Variants in MTPN observed in about 807,000 individuals in gnomAD.
The protein encoded by MTPN is granule cell differentiation protein.
In MTPN, 2 loss-of-function variants were observed where a neutral mutation model predicts 13.5. The ratio of observed to expected loss-of-function variants is 0.15; its 90% confidence interval spans 0.06 to 0.47. The LOEUF is 0.47. Among genes scored for constraint, MTPN ranks in the 20% least tolerant of loss-of-function variants. MTPN has a pLI of 0.97. For missense variants in MTPN, 79 were observed against 137.9 expected, an observed-to-expected ratio of 0.57 and a Z score of 2.14; for synonymous variants, 46 against 51.7, an observed-to-expected ratio of 0.89 and a Z score of 0.48.
intron 1 of MTPN, among the ~76,000 whole-genome samples, chr7:135,959,964 A>G (rs1367039653): frequency 6.6e-6 from 1 of 151,962 alleles, no homozygotes; most frequent in Non-Finnish European, 1.5e-5. Context: ...TCCTTCTAGT[A>G]TTTTATGCTT....
intron 1 of MTPN, among the ~76,000 whole-genome samples, chr7:135,955,343 G>A (rs1799425753): frequency 1.3e-5 from 2 of 152,142 alleles, no homozygotes; most frequent in South Asian, 4.1e-4. Flanking sequence ...GGAATCACAA[G>A]CTGATTCTTC....
chr7:135,967,170 G>A (rs949390758), intron 1 of MTPN, among the ~76,000 whole-genome samples: 10 of 152,022 alleles, frequency 6.6e-5, no homozygotes, highest in African/African-American at 2.2e-4. Context: ...TTCTTAAGCC[G>A]CTGTTTTTCA....
Position 135,969,084 on chromosome 7 carries a change from GGGGT to G in MTPN, c.72+7941_72+7944del, listed in dbSNP as rs1160648910. ...ATTATCACACTCTGGGGACTGTTGT[GGGGT>G]GGGGGGGGGGGAGGAGGGAGGGATA... On this transcript the variant is annotated intron_variant, in intron 1 of 3. Coordinates refer to ENST00000393085, the MANE Select transcript of MTPN (RefSeq NM_145808.4). Among the ~76,000 whole-genome samples, 563 of 60,386 alleles carry G rather than the reference GGGGT, an allele frequency of 9.3e-3. 15 individuals are homozygous for G. Among genetic ancestry groups the G allele is most frequent in the Non-Finnish European group, 0.016 (383 of 24,030 alleles). 39.6% of individuals were successfully genotyped at this position (60,386 alleles called of 152,430 possible).
chr7:135,947,419 G>A (rs1340079420), intron 3 of MTPN, among the ~76,000 whole-genome samples: 1 of 152,030 alleles, frequency 6.6e-6, no homozygotes, highest in Non-Finnish European at 1.5e-5. Context: ...CAATTCTTCT[G>A]GTCCAAAGCA....
At chr7:135,969,090 G>A (rs1352071717) in intron 1 of MTPN, among the ~76,000 whole-genome samples, 3 of 107,372 alleles carry the variant, frequency 2.8e-5, no homozygotes, top group East Asian at 2.8e-4. Context: ...TTGTGGGGTG[G>A]GGGGGGGGGA....
At chr7:135,934,061 G>A (rs1238313892) in intron 3 of MTPN, among the ~76,000 whole-genome samples, 3 of 152,094 alleles carry the variant, frequency 2.0e-5, no homozygotes, top group Non-Finnish European at 4.4e-5. Context: ...TGTACAGCGT[G>A]AGGAACTGTG....
chr7:135,970,690 TTATA>T (rs1332960138), intron 1 of MTPN, among the ~76,000 whole-genome samples: 2 of 152,104 alleles, frequency 1.3e-5, no homozygotes, highest in Non-Finnish European at 2.9e-5. Flanking sequence ...CCAAAACACT[TTATA>T]TAGCCTATGT....
intron 1 of MTPN, among the ~76,000 whole-genome samples, chr7:135,968,115 C>T (rs557826892): frequency 1.3e-5 from 2 of 151,908 alleles, no homozygotes; most frequent in Admixed American, 6.6e-5. Context: ...TTTTTAATAC[C>T]TCCATTTTTC....
chr7:135,952,659 C>CA (rs574545025), intron 1 of MTPN, among the ~76,000 whole-genome samples: 26 of 152,208 alleles, frequency 1.7e-4, no homozygotes, highest in African/African-American at 6.0e-4. Context: ...TACTGAGGAG[C>CA]AAAACATCCT....
At position 135,927,883 on chromosome 7, in the gene MTPN, G is replaced by C. The variant is rs1293890083; in HGVS notation, c.*2043C>G. 3.1e-6 allele frequency: 1 copy of C among 326,058 alleles called. No individual in the cohort carries two copies. The allele number at this position is 326,058 out of a possible 1,614,324, so 20.2% of individuals were successfully genotyped here. The stretch of plus-strand genomic sequence containing the variant: ...AGCAGACCAGGTTTAGGAATGATAG[G>C]ACAATGCACTCTCTGCAATAGCCAA... On this transcript the variant is annotated 3_prime_UTR_variant, in exon 4 of 4. Transcript: ENST00000393085.
chr7:135,942,215 C>A (rs934828029), intron 3 of MTPN, among the ~76,000 whole-genome samples: 3 of 152,056 alleles, frequency 2.0e-5, no homozygotes, highest in African/African-American at 4.8e-5. Flanking sequence ...AAAGGTGGTA[C>A]ATCCTAAGTT....
Position 135,927,386 on chromosome 7 carries a change from C to A in MTPN, c.*2540G>T. 6.5e-7 allele frequency: 1 copy of A among 1,549,566 alleles called. No homozygotes were observed. Among genetic ancestry groups the A allele is most frequent in the Non-Finnish European group, 8.7e-7 (1 of 1,145,280 alleles). Reference sequence around the variant, plus strand: ...CTGCAAGGGAGACTTTGTTAGTACACTACTATAAACAGGTAAACTACCTGT... The same window carrying A: ...CTGCAAGGGAGACTTTGTTAGTACAATACTATAAACAGGTAAACTACCTGT... On this transcript the variant is annotated 3_prime_UTR_variant, in exon 4 of 4. Coordinates refer to ENST00000393085, the MANE Select transcript of MTPN (RefSeq NM_145808.4).
chr7:135,971,355 T>C (rs753418571), intron 1 of MTPN, among the ~76,000 whole-genome samples: 82 of 152,220 alleles, frequency 5.4e-4, no homozygotes, highest in Admixed American at 1.5e-3. Flanking sequence ...TGTAAGCATG[T>C]TGGATCCTCA....
At chr7:135,960,664 ATACCTC>A (rs1443735808) in intron 1 of MTPN, 8 of 152,050 alleles carry the variant, frequency 5.3e-5, no homozygotes, top group African/African-American at 1.9e-4. Context: ...AAGGAAATAC[ATACCTC>A]TGAAATGATT....
intron 3 of MTPN, among the ~76,000 whole-genome samples, chr7:135,942,137 C>A (rs1799223827): frequency 6.6e-6 from 1 of 152,228 alleles, no homozygotes; most frequent in South Asian, 2.1e-4. Flanking sequence ...GATCCGCCCG[C>A]CTCGGCCTCC....
intron 3 of MTPN, among the ~76,000 whole-genome samples, chr7:135,930,496 G>A (rs1239704005): frequency 1.3e-5 from 2 of 152,036 alleles, no homozygotes. Flanking sequence ...TAAAAACTTC[G>A]CAGTAAATGC....
chr7:135,953,600 A>G (rs1799397034), intron 1 of MTPN, among the ~76,000 whole-genome samples: 1 of 152,202 alleles, frequency 6.6e-6, no homozygotes, highest in African/African-American at 2.4e-5. Flanking sequence ...TATGTATGTA[A>G]TAGGTATACT....
rs1351351425 is a variant in MTPN at position 135,927,770 on chromosome 7, G to A, written c.*2156C>T. The A allele has an allele frequency of 1.1e-5, 5 of 463,642 alleles. No homozygotes were observed. The highest frequency in any genetic ancestry group is 2.2e-5 in the Non-Finnish European group (5 of 227,624). 28.7% of individuals were successfully genotyped at this position (463,642 alleles called of 1,614,324 possible). ...TACAAAAAGGTCGAGAAAGAAAAGC[G>A]AAGGCGAAATAGCCTCTACTGCATT... On this transcript the variant is annotated 3_prime_UTR_variant, in exon 4 of 4. Transcript: ENST00000393085.
At chr7:135,954,199 C>T (rs1006660749) in intron 1 of MTPN, among the ~76,000 whole-genome samples, 1 of 152,142 alleles carries the variant, frequency 6.6e-6, no homozygotes, top group African/African-American at 2.4e-5. Flanking sequence ...TAGTGCCTGA[C>T]ACATTGTTTA....
Sources: allele counts gnomAD v4.1 joint callset (sites outside exome capture counted in the v4.1 genomes callset), GRCh38; gene constraint gnomAD v4.1.1; transcripts MANE v1.5; gene names NCBI Gene and HGNC (gene_info 2026-07-23, HGNC 2026-07-21).